SHROOM4: variants seen among roughly 807,000 people sequenced by gnomAD.
SHROOM4 encodes protein Shroom4.
A neutral mutation model predicts 80.3 loss-of-function variants in SHROOM4; 17 were observed. The observed-to-expected ratio is 0.21, with a 90% CI of 0.14 to 0.32. The LOEUF is 0.32. SHROOM4 is among the 10% of genes least tolerant of loss of function. The probability of loss-of-function intolerance (pLI) is 1.00; values close to 1 mark genes in which losing one functional copy is unlikely to be tolerated. For missense variants in SHROOM4, 993 were observed against 1,140.3 expected (o/e 0.87, Z 1.86); for synonymous variants, 400 against 437.5 (o/e 0.91, Z 1.07).
intron 1 of SHROOM4, among the ~76,000 whole-genome samples, chrX:50,754,409 A>T (rs1373280753): frequency 1.8e-5 from 2 of 112,005 alleles, no homozygotes; most frequent in African/African-American, 6.5e-5. Context: ...GCCCTTATAG[A>T]CTTTTCTTTC....
At chrX:50,729,155 G>A (rs1602468207) in intron 1 of SHROOM4, among the ~76,000 whole-genome samples, 1 of 111,782 alleles carries the variant, frequency 8.9e-6, no homozygotes, top group African/African-American at 3.2e-5. Context: ...CCATACATAG[G>A]AAGAAAAGCA....
intron 2 of SHROOM4, among the ~76,000 whole-genome samples, chrX:50,682,296 A>T (rs1271878507): frequency 8.9e-6 from 1 of 111,877 alleles, no homozygotes; most frequent in Non-Finnish European, 1.9e-5. Context: ...TCCTTTGCTG[A>T]ATCCACTATC....
intron 2 of SHROOM4, among the ~76,000 whole-genome samples, chrX:50,652,140 T>C (rs1195517792): frequency 8.9e-6 from 1 of 111,916 alleles, no homozygotes; most frequent in Non-Finnish European, 1.9e-5. Flanking sequence ...TGGTTCCAGA[T>C]CCTTGAGGAA....
chrX:50,650,279 GTTA>G (rs1250432543), intron 2 of SHROOM4, among the ~76,000 whole-genome samples: 4 of 112,107 alleles, frequency 3.6e-5, no homozygotes, highest in Non-Finnish European at 5.6e-5. Flanking sequence ...GGAATTAAGG[GTTA>G]TTTTTATTTT....
At chrX:50,651,738 T>C (rs781970655) in intron 2 of SHROOM4, among the ~76,000 whole-genome samples, 42 of 95,954 alleles carry the variant, frequency 4.4e-4, no homozygotes, top group Non-Finnish European at 7.2e-4. Context: ...CCCTAGCCCC[T>C]TAACCCCCGA....
chrX:50,795,027 ATCATATATATC>A, intron 1 of SHROOM4, among the ~76,000 whole-genome samples: 1 of 25,696 alleles, frequency 3.9e-5, no homozygotes, highest in South Asian at 5.6e-3. Context: ...CTTTATATAT[ATCATATATATC>A]TCATATATAT....
At chrX:50,810,938 C>T (rs145082267) in intron 1 of SHROOM4, among the ~76,000 whole-genome samples, 2 of 111,722 alleles carry the variant, frequency 1.8e-5, no homozygotes, top group African/African-American at 6.5e-5. Context: ...AATAGTAACA[C>T]TGTATGCAAA....
chrX:50,788,499 C>A (rs1313812053), intron 1 of SHROOM4, among the ~76,000 whole-genome samples: 2 of 108,412 alleles, frequency 1.8e-5, no homozygotes, highest in African/African-American at 6.7e-5. Context: ...CCCAGCTACT[C>A]GGAGAGGCTG....
chrX:50,641,070 T>C (rs781864895), intron 2 of SHROOM4, among the ~76,000 whole-genome samples: 29 of 112,562 alleles, frequency 2.6e-4, no homozygotes, highest in Admixed American at 6.6e-4. Context: ...CCTCTCCTTT[T>C]GTTAACCTAA....
intron 2 of SHROOM4, among the ~76,000 whole-genome samples, chrX:50,671,502 T>C (rs782095058): frequency 1.8e-5 from 2 of 112,545 alleles, no homozygotes; most frequent in South Asian, 3.7e-4. Context: ...CTGCAGCTTC[T>C]ACATCAGCAC....
chrX:50,580,304 G>A, the SHROOM4 span, among the ~76,000 whole-genome samples: 4 of 111,859 alleles, frequency 3.6e-5, no homozygotes, highest in East Asian at 1.1e-3. Flanking sequence ...GGTCTGAGTT[G>A]GGACTTAAAA....
At chrX:50,763,086 T>A (rs1285048717) in intron 1 of SHROOM4, among the ~76,000 whole-genome samples, 1 of 111,475 alleles carries the variant, frequency 9.0e-6, no homozygotes, top group Admixed American at 9.6e-5. Context: ...ATTTCCTTTA[T>A]TCTTTTCTTC....
chrX:50,733,757 A>G (rs1479231707), intron 1 of SHROOM4, among the ~76,000 whole-genome samples: 1 of 112,337 alleles, frequency 8.9e-6, no homozygotes, highest in African/African-American at 3.2e-5. Flanking sequence ...ACATTGTACT[A>G]GATATTCTAG....
Position 50,695,894 on chromosome X carries a change from G to T in SHROOM4, c.161C>A (p.Thr54Asn). The change falls in exon 2 of 9, where the codon ACT becomes AAT. Residue 54 changes from threonine to asparagine, a missense_variant. Thr to Asn is a moderately conservative substitution (Grantham distance 65). Coordinates refer to ENST00000376020, the MANE Select transcript of SHROOM4 (RefSeq NM_020717.5). ...ATTGATATTCACCAGCTCATCACCA[G>T]TCCTCATCTTCTGGGACAAAGCTGC... ...GKAALSQKMR[T>N]GDELVNINGT... The T allele has an allele frequency of 8.3e-7, 1 of 1,211,774 alleles. No homozygotes were observed. Among genetic ancestry groups the T allele is most frequent in the East Asian group, 3.0e-5 (1 of 33,827 alleles).
chrX:50,598,054 G>A (rs1929202086), intron 8 of SHROOM4, among the ~76,000 whole-genome samples: 1 of 110,983 alleles, frequency 9.0e-6, no homozygotes, highest in Non-Finnish European at 1.9e-5. Flanking sequence ...GCCCAGGTTG[G>A]TCTCAAACTC....
chrX:50,592,924 A>C lies in SHROOM4; in HGVS notation c.*3771T>G, dbSNP rs1405606133. ...CTGGATGTGATGTTGCCACTGAGTAACCAGAGAGGAAGAAATATATCAGTG... is the reference window on the plus strand; with the variant it reads ...CTGGATGTGATGTTGCCACTGAGTACCCAGAGAGGAAGAAATATATCAGTG... On this transcript the variant is annotated 3_prime_UTR_variant, in exon 9 of 9. Transcript: ENST00000376020. 8.9e-6 allele frequency: 1 copy of C among 112,075 alleles called. No individual in the cohort carries two copies. Among genetic ancestry groups the C allele is most frequent in the African/African-American group, 3.2e-5 (1 of 30,782 alleles). 9.2% of individuals were successfully genotyped at this position (112,075 alleles called of 1,213,427 possible). A position where few individuals can be genotyped will look rare whatever the true frequency, so the allele number is the denominator to read the frequency against.
chrX:50,609,665 A>ATGTGTGTGTGTGTG (rs3078713), intron 5 of SHROOM4, among the ~76,000 whole-genome samples: 1 of 88,248 alleles, frequency 1.1e-5, no homozygotes, highest in African/African-American at 4.0e-5. Context: ...AGTCATGGAT[A>ATGTGTGTGTGTGTG]TGTGTGTGTG....
intron 1 of SHROOM4, among the ~76,000 whole-genome samples, chrX:50,791,424 T>A (rs939077942): frequency 4.6e-5 from 5 of 109,171 alleles, no homozygotes; most frequent in Admixed American, 9.8e-5. Context: ...TAATGGCATT[T>A]TTTTTTTGAG....
chrX:50,661,418 G>T (rs1364991267), intron 2 of SHROOM4, among the ~76,000 whole-genome samples: 1 of 111,237 alleles, frequency 9.0e-6, no homozygotes, highest in African/African-American at 3.3e-5. Context: ...GGCTGGTCTC[G>T]AATTCCTGAG....
Sources: gnomAD v4.1 joint callset for allele counts (sites outside exome capture counted in the v4.1 genomes callset) on GRCh38, gnomAD v4.1.1 for gene constraint, MANE v1.5 for transcripts, NCBI Gene and HGNC (gene_info 2026-07-23, HGNC 2026-07-21) for gene names.